COL25A1: variants seen among roughly 807,000 people sequenced by gnomAD.
The protein encoded by COL25A1 is collagen type XXV alpha 1 chain.
In COL25A1, 103 loss-of-function variants were observed where a neutral mutation model predicts 128.4. That is an observed-to-expected ratio of 0.80 (90% CI 0.68 to 0.94). COL25A1 has a LOEUF of 0.94. COL25A1 is among the 40% of genes least tolerant of loss of function. The pLI, the probability that COL25A1 is intolerant of heterozygous loss-of-function variation, is 0.00. For missense variants in COL25A1, 745 were observed against 840.0 expected (o/e 0.89, Z 1.40); for synonymous variants, 279 against 277.2 (o/e 1.01, Z -0.06).
intron 13 of COL25A1, among the ~76,000 whole-genome samples, chr4:108,911,047 A>T (rs541543806): frequency 9.2e-5 from 14 of 152,160 alleles, no homozygotes; most frequent in Non-Finnish European, 1.9e-4. Context: ...ACAATAAATT[A>T]TTACATTGCA....
rs183242665 is a variant in COL25A1, at chr4:108,994,509, C to T, written c.438+15849G>A. ...CTGCGGTCAGCAAGGCCTACTGCCT[C>T]TATAGATTCTACCTCTGTGGGCAGG... On this transcript the variant is annotated intron_variant, in intron 6 of 37. Transcript: ENST00000399132. 4.2e-4 allele frequency among the ~76,000 whole-genome samples: 64 copies of T among 152,312 alleles called. No individual in the cohort carries two copies. In the East Asian group the frequency reaches 0.011, roughly 27 times the overall value.
At chr4:108,816,477 C>A (rs759400675) in intron 37 of COL25A1, among the ~76,000 whole-genome samples, 1 of 152,182 alleles carries the variant, frequency 6.6e-6, no homozygotes, top group Non-Finnish European at 1.5e-5. Context: ...TTTTTACATG[C>A]TTGGAATGCT....
At chr4:109,169,657 A>G (rs573130010) in intron 3 of COL25A1, among the ~76,000 whole-genome samples, 1 of 152,310 alleles carries the variant, frequency 6.6e-6, no homozygotes, top group Admixed American at 6.5e-5. Context: ...AATAGTCCAA[A>G]TGAATCTATA....
chr4:109,010,121 G>A (rs1756432990), intron 6 of COL25A1, among the ~76,000 whole-genome samples: 1 of 152,190 alleles, frequency 6.6e-6, no homozygotes, highest in Admixed American at 6.5e-5. Flanking sequence ...TCAGTTAAGA[G>A]TTTTGCTTTA....
At chr4:108,822,043 A>ATTTTT (rs10567518) in intron 35 of COL25A1, among the ~76,000 whole-genome samples, 9 of 89,996 alleles carry the variant, frequency 1.0e-4, no homozygotes, top group Admixed American at 1.4e-4. Flanking sequence ...CCTAATGGTA[A>ATTTTT]TTTTTTTTTT....
chr4:109,217,832 GAA>G (rs1046479374), intron 3 of COL25A1, among the ~76,000 whole-genome samples: 18 of 152,138 alleles, frequency 1.2e-4, no homozygotes, highest in African/African-American at 4.3e-4. Flanking sequence ...ATAACAACAG[GAA>G]AAAGTTTGTA....
At chr4:108,945,673 GT>G (rs1748649816) in intron 8 of COL25A1, among the ~76,000 whole-genome samples, 2 of 152,006 alleles carry the variant, frequency 1.3e-5, no homozygotes, top group African/African-American at 4.8e-5. Flanking sequence ...TGTTATTGTT[GT>G]TGTTTTTTGA....
At chr4:108,881,199 G>A (rs1328346345) in intron 19 of COL25A1, among the ~76,000 whole-genome samples, 3 of 152,142 alleles carry the variant, frequency 2.0e-5, no homozygotes, top group Non-Finnish European at 4.4e-5. Context: ...GTATGCCTAA[G>A]GTATTAGCAC....
chr4:109,000,769 G>GAAAAAAAAAAAAAAAAA (rs1485416048), intron 6 of COL25A1, among the ~76,000 whole-genome samples: 1 of 55,270 alleles, frequency 1.8e-5, no homozygotes, highest in African/African-American at 6.9e-5. Context: ...AAAAAAAAAA[G>GAAAAAAAAAAAAAAAAA]AAAAAACTAT....
At chr4:108,996,035 C>T (rs957035251) in intron 6 of COL25A1, among the ~76,000 whole-genome samples, 71 of 152,190 alleles carry the variant, frequency 4.7e-4, no homozygotes, top group Non-Finnish European at 7.1e-4. Context: ...TAAAGACCAT[C>T]GATGCTAGGA....
At chr4:108,959,323 C>T (rs1196322617) in intron 8 of COL25A1, among the ~76,000 whole-genome samples, 1 of 152,016 alleles carries the variant, frequency 6.6e-6, no homozygotes, top group African/African-American at 2.4e-5. Context: ...AGCAACTAAT[C>T]TGGGAAAGAA....
At chr4:109,129,883 G>A (rs557008908) in intron 3 of COL25A1, among the ~76,000 whole-genome samples, 7 of 152,114 alleles carry the variant, frequency 4.6e-5, no homozygotes, top group East Asian at 3.9e-4. Flanking sequence ...AAAAGAATTG[G>A]GAGATATACC....
chr4:109,141,028 G>T (rs1044063212), intron 3 of COL25A1, among the ~76,000 whole-genome samples: 1 of 152,170 alleles, frequency 6.6e-6, no homozygotes, highest in Admixed American at 6.5e-5. Context: ...CAAAGGGAAT[G>T]CTTCCAGCTT....
chr4:108,890,630 AG>A, intron 16 of COL25A1, among the ~76,000 whole-genome samples: 1 of 152,346 alleles, frequency 6.6e-6, no homozygotes, highest in East Asian at 1.9e-4. Flanking sequence ...ATATGCTAGA[AG>A]GAAAAAGAAA....
chr4:108,964,052 TTAAA>T (rs895766774), intron 8 of COL25A1, among the ~76,000 whole-genome samples: 80 of 150,170 alleles, frequency 5.3e-4, no homozygotes, highest in African/African-American at 1.6e-3. Context: ...AATATCATAA[TTAAA>T]TAATGTGAAT....
chr4:108,830,928 T>G (rs893706849), intron 32 of COL25A1, among the ~76,000 whole-genome samples: 1 of 152,264 alleles, frequency 6.6e-6, no homozygotes, highest in Non-Finnish European at 1.5e-5. Flanking sequence ...TTAATTAAGA[T>G]GATCTTCAGA....
intron 3 of COL25A1, among the ~76,000 whole-genome samples, chr4:109,073,389 G>C (rs1048189189): frequency 6.6e-6 from 1 of 152,154 alleles, no homozygotes. Context: ...TTAGACCAGA[G>C]ATTTCCAAAA....
intron 33 of COL25A1, 64 bp downstream of exon 33, chr4:108,827,071 C>T (rs13104307): frequency 0.36 from 501,039 of 1,408,232 alleles, 92,614 homozygotes; most frequent in South Asian, 0.43. Flanking sequence ...AAGGGTTAAC[C>T]GTGTCAGTGA....
intron 23 of COL25A1, 71 bp downstream of exon 23, chr4:108,860,856 G>A: frequency 1.6e-6 from 2 of 1,219,254 alleles, no homozygotes; most frequent in Non-Finnish European, 2.4e-6. Context: ...CATATGAATA[G>A]CCATGCAGAC....
Sources: gnomAD v4.1 joint callset for allele counts (sites outside exome capture counted in the v4.1 genomes callset) on GRCh38, gnomAD v4.1.1 for gene constraint, MANE v1.5 for transcripts, NCBI Gene and HGNC (gene_info 2026-07-23, HGNC 2026-07-21) for gene names.